Variants in ARID4B observed in about 807,000 individuals in gnomAD.
ARID4B encodes AT-rich interaction domain 4B, also known as AT-rich interactive domain-containing protein 4B.
A neutral mutation model predicts 147.5 loss-of-function variants in ARID4B; 26 were observed. The ratio of observed to expected loss-of-function variants is 0.18; its 90% CI spans 0.13 to 0.24. ARID4B has a LOEUF of 0.24. ARID4B is among the 10% of genes least tolerant of loss of function. The pLI, the probability that ARID4B is intolerant of heterozygous loss-of-function variation, is 1.00. For missense variants in ARID4B, 1,179 were observed against 1,511.5 expected (o/e 0.78, Z 3.65); for synonymous variants, 512 against 507.9 (o/e 1.01, Z -0.11).
At chr1:235,269,976 T>TA (rs1455462149) in intron 2 of ARID4B, among the ~76,000 whole-genome samples, 3 of 152,130 alleles carry the variant, frequency 2.0e-5, no homozygotes, top group Non-Finnish European at 4.4e-5. Flanking sequence ...TTGTAAGAGT[T>TA]ACTGCATATT....
Position 235,168,487 on chromosome 1 carries a change from C to T in ARID4B, c.*38G>A. 1.2e-6 allele frequency: 2 copies of T among 1,603,786 alleles called. No homozygotes were observed. Among genetic ancestry groups the T allele is most frequent in the Non-Finnish European group, 1.7e-6 (2 of 1,173,606 alleles). On this transcript the variant is annotated 3_prime_UTR_variant, in exon 24 of 24. Transcript: ENST00000264183. ...AGTATAAAAAAAAAGTGGCCCTCAA[C>T]AGCCATTAAGTGCAAAGTGCTTTAG... is the stretch of plus-strand genomic sequence containing the variant.
rs776355985 is a variant in ARID4B, at chr1:235,194,006, T to C, written c.2125+7A>G. ...TACTTGCACAACAGAACGATTGTTATGTTTACCTTGAAGTCCATTAAGGAT... is the reference window on the plus strand; with the variant it reads ...TACTTGCACAACAGAACGATTGTTACGTTTACCTTGAAGTCCATTAAGGAT... On this transcript the variant is annotated splice_region_variant and intron_variant, in intron 19 of 23. Transcript: ENST00000264183. 86 of 1,570,214 alleles carry C rather than the reference T, an allele frequency of 5.5e-5. No homozygotes were observed. The highest frequency in any genetic ancestry group is 2.4e-4 in the African/African-American group (18 of 74,056).
At chr1:235,226,214 T>C (rs1309510303) in intron 11 of ARID4B, among the ~76,000 whole-genome samples, 1 of 152,196 alleles carries the variant, frequency 6.6e-6, no homozygotes, top group Non-Finnish European at 1.5e-5. Flanking sequence ...CTGTTATATT[T>C]TACACACTAT....
Position 235,177,868 on chromosome 1 carries a change from C to T in ARID4B, c.3380G>A (p.Ser1127Asn). 1 of 1,611,388 alleles carries T rather than the reference C, an allele frequency of 6.2e-7. No individual in the cohort carries two copies. Among genetic ancestry groups the T allele is most frequent in the Non-Finnish European group, 8.5e-7 (1 of 1,178,668 alleles). Reference sequence around the variant, plus strand: ...GCTTCTTTTCTGCTTTTTTGATGAACTTCCTCCTCCCTGAGCATCTTTCAC... The same window carrying T: ...GCTTCTTTTCTGCTTTTTTGATGAATTTCCTCCTCCCTGAGCATCTTTCAC... Reference protein sequence around the residue: ...KRVKDAQGGGSSSKKQKRSHK... With the variant: ...KRVKDAQGGGNSSKKQKRSHK... The change falls in exon 21 of 24, where the codon AGT becomes AAT. Residue 1127 changes from serine (S) to asparagine (N), a missense_variant. By Grantham distance (46) the Ser-to-Asn change is conservative. Around this residue, in one of 10 missense-constraint regions of ARID4B, gnomAD observed 357 missense variants for 427.3 expected, o/e 0.84. Coordinates refer to ENST00000264183, the MANE Select transcript of ARID4B (RefSeq NM_016374.6).
At chr1:235,202,557 T>G (rs1375911832) in intron 17 of ARID4B, among the ~76,000 whole-genome samples, 1 of 150,750 alleles carries the variant, frequency 6.6e-6, no homozygotes, top group Non-Finnish European at 1.5e-5. Context: ...AAAAAAAATT[T>G]TTTTTTTTTT....
intron 17 of ARID4B, among the ~76,000 whole-genome samples, chr1:235,213,483 G>A (rs1286352722): frequency 6.6e-6 from 1 of 152,142 alleles, no homozygotes; most frequent in Admixed American, 6.5e-5. Flanking sequence ...ATGTCCAGAA[G>A]TTCTGATCAT....
chr1:235,173,770 AAATATATATATATATATATATATAT>A (rs1435087591), intron 22 of ARID4B, among the ~76,000 whole-genome samples: 1 of 37,482 alleles, frequency 2.7e-5, no homozygotes, highest in East Asian at 6.6e-4. Context: ...AAAAAAAAAA[AAATATATATATATATATATATATAT>A]ATATATATAT....
chr1:235,213,951 CTCT>C lies in ARID4B; in HGVS notation c.1656_1658del (p.Glu553del), dbSNP rs577765532. ...CATTGTTGTCATCATCATCTTCATCCTCTTCTTCTTCTTCCTCCTCCTCCTCCT... is the reference window on the plus strand; with the variant it reads ...CATTGTTGTCATCATCATCTTCATCCTCTTCTTCTTCCTCCTCCTCCTCCT... On this transcript the variant is annotated inframe_deletion, in exon 17 of 24. Coordinates refer to ENST00000264183, the MANE Select transcript of ARID4B (RefSeq NM_016374.6). The C allele has an allele frequency of 2.2e-4, 348 of 1,602,696 alleles. No individual in the cohort carries two copies. In the Admixed American group the frequency reaches 2.5e-3, roughly 12 times the overall value.
chr1:235,206,767 G>C (rs1361531574), intron 17 of ARID4B, among the ~76,000 whole-genome samples: 2 of 152,210 alleles, frequency 1.3e-5, no homozygotes, highest in African/African-American at 4.8e-5. Flanking sequence ...GGTAAGCACA[G>C]TTGTGGAGAC....
chr1:235,228,516 C>T (rs1667987912), intron 11 of ARID4B: 1 of 151,528 alleles, frequency 6.6e-6, no homozygotes, highest in South Asian at 2.1e-4. Flanking sequence ...GGGGTTTCAC[C>T]ATGTTGCCCA....
chr1:235,204,743 A>G (rs1666195235), intron 17 of ARID4B, among the ~76,000 whole-genome samples: 1 of 152,208 alleles, frequency 6.6e-6, no homozygotes, highest in South Asian at 2.1e-4. Context: ...CTTTGTTAAT[A>G]TTTGATAAAT....
intron 19 of ARID4B, among the ~76,000 whole-genome samples, chr1:235,187,965 T>A (rs944573172): frequency 6.6e-6 from 1 of 152,184 alleles, no homozygotes; most frequent in Non-Finnish European, 1.5e-5. Context: ...TCAGTAGATG[T>A]GGATGTGCCG....
At chr1:235,279,065 A>G (rs944003125) in intron 2 of ARID4B, among the ~76,000 whole-genome samples, 1 of 152,054 alleles carries the variant, frequency 6.6e-6, no homozygotes, top group African/African-American at 2.4e-5. Flanking sequence ...CAAAGTGCAT[A>G]CAGCGCCAAG....
chr1:235,223,271 A>C lies in ARID4B; in HGVS notation c.971-11T>G. 1.4e-6 allele frequency: 2 copies of C among 1,451,076 alleles called. No individual in the cohort carries two copies. The highest frequency in any genetic ancestry group is 2.9e-5 in the African/African-American group (2 of 68,098). The allele number at this position is 1,451,076 out of a possible 1,614,324, so 89.9% of individuals were successfully genotyped here. On this transcript the variant is annotated splice_polypyrimidine_tract_variant and intron_variant, in intron 12 of 23. Transcript: ENST00000264183. ...TGTTAATAGGTGTACCTGTTACAGA[A>C]AACACAAACTATATTAGATCCACAC...
intron 2 of ARID4B, among the ~76,000 whole-genome samples, chr1:235,288,334 T>C (rs189895700): frequency 7.0e-4 from 107 of 152,222 alleles, no homozygotes; most frequent in African/African-American, 2.3e-3. Context: ...AGTCCTAAAT[T>C]ACTACACTCA....
At chr1:235,197,417 G>A (rs1343641013) in intron 17 of ARID4B, among the ~76,000 whole-genome samples, 1 of 152,192 alleles carries the variant, frequency 6.6e-6, no homozygotes, top group Non-Finnish European at 1.5e-5. Context: ...GCATAGGCCT[G>A]GAAAGTATCT....
intron 6 of ARID4B, among the ~76,000 whole-genome samples, chr1:235,248,479 TA>T (rs1203758756): frequency 6.6e-6 from 1 of 152,178 alleles, no homozygotes; most frequent in East Asian, 1.9e-4. Flanking sequence ...ACAGGGAAAA[TA>T]AATTAATCCG....
Position 235,213,688 on chromosome 1 carries a change from A to G in ARID4B, c.1841+81T>C, listed in dbSNP as rs951707210. 6 of 1,409,494 alleles carry G rather than the reference A, an allele frequency of 4.3e-6. No homozygotes were observed. The African/African-American group carries it at 7.3e-5, about 17-fold the overall frequency. 87.3% of individuals were successfully genotyped at this position (1,409,494 alleles called of 1,614,324 possible). A position where few individuals can be genotyped will look rare whatever the true frequency, so the allele number is the denominator to read the frequency against. The stretch of plus-strand genomic sequence containing the variant: ...TCAATTAGAATACTAATAAATCTGT[A>G]ATCCATTACTTAAGTTTTTAAATAG... On this transcript the variant is annotated intron_variant, in intron 17 of 23. Transcript: ENST00000264183.
intron 19 of ARID4B, among the ~76,000 whole-genome samples, chr1:235,184,577 C>T (rs1664545014): frequency 1.3e-5 from 2 of 152,146 alleles, no homozygotes; most frequent in African/African-American, 2.4e-5. Context: ...TAGCTAAATT[C>T]ATTAAATGTA....
Sources: gnomAD v4.1 joint callset for allele counts (sites outside exome capture counted in the v4.1 genomes callset) on GRCh38, gnomAD v4.1.1 for gene constraint, gnomAD v4.1.1 regional missense constraint, MANE v1.5 for transcripts, NCBI Gene and HGNC (gene_info 2026-07-23, HGNC 2026-07-21) for gene names.